Variants in DYNC1I1 observed in about 807,000 individuals in gnomAD.
The protein encoded by DYNC1I1 is dynein cytoplasmic 1 intermediate chain 1.
A neutral mutation model predicts 86.6 loss-of-function variants in DYNC1I1; 43 were observed. That is an observed-to-expected ratio of 0.50 (90% confidence interval 0.39 to 0.64). The LOEUF (loss-of-function observed/expected upper bound fraction) is 0.64, where lower values mean the gene tolerates loss of function less well. DYNC1I1 is among the 30% of genes least tolerant of loss of function. DYNC1I1 has a pLI of 0.00. For missense variants in DYNC1I1, 604 were observed against 788.8 expected (o/e 0.77, Z 2.81); for synonymous variants, 262 against 283.7 (o/e 0.92, Z 0.77).
At chr7:95,922,963 G>A (rs1259678430) in intron 6 of DYNC1I1, among the ~76,000 whole-genome samples, 1 of 151,940 alleles carries the variant, frequency 6.6e-6, no homozygotes, top group African/African-American at 2.4e-5. Flanking sequence ...TATTCTCAGA[G>A]CGGATTTTTC....
intron 6 of DYNC1I1, among the ~76,000 whole-genome samples, chr7:95,873,152 T>C (rs1712330869): frequency 6.6e-6 from 1 of 152,226 alleles, no homozygotes; most frequent in South Asian, 2.1e-4. Flanking sequence ...TGGTATCTTG[T>C]GGTCAAGGTT....
chr7:95,988,805 C>T (rs1432049990), intron 9 of DYNC1I1, among the ~76,000 whole-genome samples: 1 of 152,140 alleles, frequency 6.6e-6, no homozygotes, highest in African/African-American at 2.4e-5. Flanking sequence ...ACCATGATAG[C>T]TGCTATGAAG....
At chr7:95,781,018 C>T (rs1005307540) in intron 1 of DYNC1I1, among the ~76,000 whole-genome samples, 10 of 151,992 alleles carry the variant, frequency 6.6e-5, no homozygotes, top group Non-Finnish European at 8.8e-5. Flanking sequence ...AAAAAAAAAC[C>T]TTCTCTGCCG....
At chr7:96,109,270 T>G (rs1791270497) in intron 16 of DYNC1I1, among the ~76,000 whole-genome samples, 1 of 152,020 alleles carries the variant, frequency 6.6e-6, no homozygotes, top group Non-Finnish European at 1.5e-5. Flanking sequence ...TGTGCAGGTT[T>G]GTTACATATG....
At position 96,001,873 on chromosome 7, in the gene DYNC1I1, T is replaced by G. The variant is rs547493358; in HGVS notation, c.969+5800T>G. 2.0e-5 allele frequency among the ~76,000 whole-genome samples: 3 copies of G among 152,314 alleles called. No homozygotes were observed. The South Asian group carries it at 6.2e-4, about 32-fold the overall frequency. On this transcript the variant is annotated intron_variant, in intron 10 of 16. Transcript: ENST00000447467. ...TTGGTCGTGGTGGGGGAAGTACAAT[T>G]CAGTCCATAGTAATTGGTGAACTTG...
chr7:96,023,997 A>G (rs554471032), intron 10 of DYNC1I1, among the ~76,000 whole-genome samples: 1 of 152,300 alleles, frequency 6.6e-6, no homozygotes, highest in African/African-American at 2.4e-5. Flanking sequence ...TTCCTAACGT[A>G]ACACTGTCTT....
At chr7:96,061,666 T>C (rs1414137859) in intron 14 of DYNC1I1, among the ~76,000 whole-genome samples, 1 of 117,738 alleles carries the variant, frequency 8.5e-6, no homozygotes, top group African/African-American at 3.8e-5. Context: ...TCTCTCTCTC[T>C]TCCTCTCTCT....
intron 16 of DYNC1I1, among the ~76,000 whole-genome samples, chr7:96,092,086 G>A (rs770034088): frequency 5.3e-5 from 8 of 151,938 alleles, no homozygotes; most frequent in Non-Finnish European, 8.8e-5. Flanking sequence ...CCTGTCCCCC[G>A]TTCATGAAAG....
At chr7:95,803,690 T>C (rs1421485405) in intron 1 of DYNC1I1, among the ~76,000 whole-genome samples, 1 of 152,234 alleles carries the variant, frequency 6.6e-6, no homozygotes, top group African/African-American at 2.4e-5. Flanking sequence ...TATATATTTA[T>C]CCTAGTTGCA....
At chr7:95,953,459 G>A (rs1446181245) in intron 6 of DYNC1I1, among the ~76,000 whole-genome samples, 2 of 152,066 alleles carry the variant, frequency 1.3e-5, no homozygotes, top group East Asian at 3.9e-4. Context: ...TTGGATTTTT[G>A]CCACCTGGTT....
At chr7:96,050,603 AC>A (rs1262272146) in intron 14 of DYNC1I1, among the ~76,000 whole-genome samples, 1 of 152,062 alleles carries the variant, frequency 6.6e-6, no homozygotes, top group African/African-American at 2.4e-5. Context: ...CCTAAACAAT[AC>A]CCTTTCCCAT....
chr7:96,064,463 G>A (rs1789897167), intron 14 of DYNC1I1, among the ~76,000 whole-genome samples: 1 of 152,004 alleles, frequency 6.6e-6, no homozygotes, highest in African/African-American at 2.4e-5. Context: ...TTTTCATATA[G>A]CTTTCTTGCT....
At chr7:96,103,365 G>A (rs572425597), downstream of DYNC1I1, among the ~76,000 whole-genome samples, 1 of 152,250 alleles carries the variant, frequency 6.6e-6, no homozygotes, top group East Asian at 1.9e-4. Flanking sequence ...AGAAGAGATG[G>A]CCAGAAGTAA....
chr7:96,100,681 T>TGTGTGTGTGTGTGTGTGG (rs1791121719), downstream of DYNC1I1, among the ~76,000 whole-genome samples: 1 of 150,176 alleles, frequency 6.7e-6, no homozygotes. Context: ...TGTGTGTGTG[T>TGTGTGTGTGTGTGTGTGG]GGTAAGGAAG....
At chr7:95,978,492 T>C (rs1291069285) in intron 7 of DYNC1I1, among the ~76,000 whole-genome samples, 1 of 152,258 alleles carries the variant, frequency 6.6e-6, no homozygotes, top group Non-Finnish European at 1.5e-5. Context: ...TTGTCTTACT[T>C]GCTGGCAAAT....
At chr7:96,024,876 C>A (rs868643594) in intron 10 of DYNC1I1, among the ~76,000 whole-genome samples, 10 of 152,134 alleles carry the variant, frequency 6.6e-5, no homozygotes, top group Middle Eastern at 3.2e-3. Flanking sequence ...TGACAATCAG[C>A]AGCAACAGTA....
intron 6 of DYNC1I1, among the ~76,000 whole-genome samples, chr7:95,943,157 T>G (rs199624341): frequency 0.042 from 5,696 of 136,142 alleles, 243 homozygotes; most frequent in African/African-American, 0.12. Flanking sequence ...CTTAAGCTGA[T>G]AAGCAACTTC....
At chr7:95,788,464 A>T (rs1794205749) in intron 1 of DYNC1I1, among the ~76,000 whole-genome samples, 1 of 152,212 alleles carries the variant, frequency 6.6e-6, no homozygotes, top group African/African-American at 2.4e-5. Flanking sequence ...AGCTGGATGC[A>T]CATGAAGCCA....
chr7:96,068,883 G>A lies in DYNC1I1; in HGVS notation c.1510-7174G>A, dbSNP rs551855745. ...AGTAAAAGGTTGGCAGTTTAAGGGCGAGGGTGAAAATATTTTGCTACTTAA... is the reference window on the plus strand; with the variant it reads ...AGTAAAAGGTTGGCAGTTTAAGGGCAAGGGTGAAAATATTTTGCTACTTAA... On this transcript the variant is annotated intron_variant, in intron 14 of 16. Coordinates refer to ENST00000447467, the MANE Select transcript of DYNC1I1 (RefSeq NM_001135556.2). Among the ~76,000 whole-genome samples, 82 of 152,272 alleles carry A rather than the reference G, an allele frequency of 5.4e-4. 1 individual carries two copies. Among genetic ancestry groups the A allele is most frequent in the South Asian group, 1.9e-3 (9 of 4,824 alleles).
Sources: gnomAD v4.1 joint callset for allele counts (sites outside exome capture counted in the v4.1 genomes callset) on GRCh38, gnomAD v4.1.1 for gene constraint, MANE v1.5 for transcripts, NCBI Gene and HGNC (gene_info 2026-07-23, HGNC 2026-07-21) for gene names.